Variants in STXBP6 observed in about 807,000 individuals in gnomAD.
The protein encoded by STXBP6 is syntaxin binding protein 6.
Under a neutral mutation model 26.9 loss-of-function variants are expected in STXBP6, and 21 were observed. The ratio of observed to expected loss-of-function variants is 0.78; its 90% confidence interval spans 0.55 to 1.12. The LOEUF (loss-of-function observed/expected upper bound fraction) is 1.12, where lower values mean the gene tolerates loss of function less well. Ranked by LOEUF, STXBP6 falls within the 50% of genes most tolerant of loss-of-function variation. STXBP6 has a pLI of 0.00. For missense variants in STXBP6, 232 were observed against 257.9 expected, an observed-to-expected ratio of 0.90 and a Z score of 0.69; for synonymous variants, 97 against 92.6, an observed-to-expected ratio of 1.05 and a Z score of -0.27.
In STXBP6 at chr14:25,049,261, G is replaced by T. The variant is rs573587153; in HGVS notation, c.-33+617C>A. On this transcript the variant is annotated intron_variant, in intron 1 of 5. Coordinates refer to ENST00000323944, the MANE Select transcript of STXBP6 (RefSeq NM_001394410.1). The surrounding 1 kb of genome is among the most constrained non-coding windows in gnomAD (Gnocchi z 5.6). The stretch of plus-strand genomic sequence containing the variant: ...GGTGAGGCTCGATGCCGGCGTGCAC[G>T]GCAAGCGCGAATTCGGAACCTGGCG... The T allele has an allele frequency of 2.3e-5, 23 of 985,348 alleles. No homozygotes were observed. Among genetic ancestry groups the T allele is most frequent in the Non-Finnish European group, 2.7e-5 (22 of 829,980 alleles). 61.0% of individuals were successfully genotyped at this position (985,348 alleles called of 1,614,324 possible). A position where few individuals can be genotyped will look rare whatever the true frequency, so the allele number is the denominator to read the frequency against.
intron 1 of STXBP6, among the ~76,000 whole-genome samples, chr14:24,986,196 A>G (rs2074328127): frequency 1.3e-5 from 2 of 152,204 alleles, no homozygotes; most frequent in African/African-American, 4.8e-5. Context: ...TCTAGCCCAT[A>G]GAGTTCTAAA....
chr14:24,960,929 T>G (rs1272275179), intron 2 of STXBP6, among the ~76,000 whole-genome samples: 1 of 152,232 alleles, frequency 6.6e-6, no homozygotes, highest in East Asian at 1.9e-4. Context: ...ACTGGAAAGA[T>G]CTGAACATGT....
intron 4 of STXBP6, among the ~76,000 whole-genome samples, chr14:24,835,192 A>G (rs1046565697): frequency 6.6e-6 from 1 of 152,196 alleles, no homozygotes; most frequent in Non-Finnish European, 1.5e-5. Flanking sequence ...TGGTGAAATG[A>G]CAAAGATGCA....
chr14:24,977,821 C>G (rs950883243), intron 1 of STXBP6, among the ~76,000 whole-genome samples: 1 of 152,086 alleles, frequency 6.6e-6, no homozygotes, highest in Non-Finnish European at 1.5e-5. Context: ...TTTACAAATC[C>G]TCACCTTTCT....
At chr14:24,937,217 C>T (rs2072632583) in intron 2 of STXBP6, among the ~76,000 whole-genome samples, 1 of 152,114 alleles carries the variant, frequency 6.6e-6, no homozygotes, top group Non-Finnish European at 1.5e-5. Flanking sequence ...CAGCAAACCA[C>T]CATGGCACAT....
rs567581664 is a variant in STXBP6 at position 24,831,860 on chromosome 14, A to G, written c.452-12666T>C. Among the ~76,000 whole-genome samples, 20 of 152,294 alleles carry G rather than the reference A, an allele frequency of 1.3e-4. No individual in the cohort carries two copies. The South Asian group carries it at 3.7e-3, about 28-fold the overall frequency. Reference sequence around the variant, plus strand: ...ATTGTTTGAGATTGGAAAGCAACTTAGGGGTCAAGTTCCTCGACAGAAAAC... The same window carrying G: ...ATTGTTTGAGATTGGAAAGCAACTTGGGGGTCAAGTTCCTCGACAGAAAAC... On this transcript the variant is annotated intron_variant, in intron 4 of 5. Coordinates refer to ENST00000323944, the MANE Select transcript of STXBP6 (RefSeq NM_001394410.1).
chr14:24,874,562 C>A (rs1413364986), intron 2 of STXBP6, among the ~76,000 whole-genome samples: 2 of 152,098 alleles, frequency 1.3e-5, no homozygotes, highest in East Asian at 3.9e-4. Context: ...TGTAAACAAG[C>A]TTTGTTCACC....
At chr14:24,966,287 T>G (rs1223192520) in intron 2 of STXBP6, among the ~76,000 whole-genome samples, 1 of 151,820 alleles carries the variant, frequency 6.6e-6, no homozygotes, top group Non-Finnish European at 1.5e-5. Flanking sequence ...TGACAGCACA[T>G]CCTCTAAATC....
chr14:25,000,724 T>C (rs1566551146), intron 1 of STXBP6, among the ~76,000 whole-genome samples: 3 of 150,322 alleles, frequency 2.0e-5, no homozygotes, highest in African/African-American at 4.9e-5. Flanking sequence ...GAGTTTAACA[T>C]AGGACACAAG....
intron 1 of STXBP6, among the ~76,000 whole-genome samples, chr14:25,001,366 G>T (rs1183499977): frequency 6.6e-6 from 1 of 152,182 alleles, no homozygotes; most frequent in Non-Finnish European, 1.5e-5. Flanking sequence ...TTTCCTGAGT[G>T]ATAGGAGTAG....
intron 5 of STXBP6, chr14:24,816,551 C>G (rs1291949737): frequency 6.6e-6 from 1 of 152,132 alleles, no homozygotes; most frequent in Non-Finnish European, 1.5e-5. Context: ...CCTCTTCCCC[C>G]CGAGATGACC....
At chr14:24,819,338 A>G (rs1321149590) in intron 4 of STXBP6, 144 bp from the exon 5 acceptor site, 2 of 907,510 alleles carry the variant, frequency 2.2e-6, no homozygotes, top group East Asian at 2.6e-5. Flanking sequence ...ACAAGCCGAC[A>G]TTTCTTTTGA....
chr14:25,039,208 T>C (rs900007377), intron 1 of STXBP6, among the ~76,000 whole-genome samples: 1 of 152,110 alleles, frequency 6.6e-6, no homozygotes, highest in African/African-American at 2.4e-5. Flanking sequence ...AAATACAACA[T>C]AAAAGAATAC....
chr14:24,818,157 A>G (rs2068035166), intron 5 of STXBP6: 1 of 456,626 alleles, frequency 2.2e-6, no homozygotes, highest in Non-Finnish European at 4.4e-6. Context: ...ACATGCCAAC[A>G]CAAGTCATCA....
At chr14:24,931,157 G>A (rs1024197101) in intron 2 of STXBP6, among the ~76,000 whole-genome samples, 2 of 107,370 alleles carry the variant, frequency 1.9e-5, no homozygotes, top group South Asian at 3.5e-4. Flanking sequence ...AACACCACAT[G>A]TTCTCACTCA....
chr14:25,006,213 G>C (rs74037435), intron 1 of STXBP6, among the ~76,000 whole-genome samples: 1,532 of 152,268 alleles, frequency 0.01, 18 homozygotes, highest in African/African-American at 0.034. Flanking sequence ...TTTCACTGTG[G>C]TCACCCCTTT....
rs181560666 is a variant in STXBP6 at position 24,946,193 on chromosome 14, G to A, written c.154+28472C>T. ...AATGTGTAACAGTAGCACTGTTTAT[G>A]GGATATTTTCTATATTCTGGGCAGT... On this transcript the variant is annotated intron_variant, in intron 2 of 5. Transcript: ENST00000323944. 2.0e-5 allele frequency among the ~76,000 whole-genome samples: 3 copies of A among 152,232 alleles called. No homozygotes were observed. In the East Asian group the frequency reaches 5.8e-4, roughly 29 times the overall value.
chr14:24,889,575 T>TTAA (rs35902359), intron 2 of STXBP6, among the ~76,000 whole-genome samples: 53,812 of 147,190 alleles, frequency 0.37, 9,825 homozygotes, highest in East Asian at 0.43. Flanking sequence ...AATAATAAAA[T>TTAA]AAAAAAAGAA....
At chr14:24,980,858 GA>G (rs909008024) in intron 1 of STXBP6, among the ~76,000 whole-genome samples, 1 of 151,910 alleles carries the variant, frequency 6.6e-6, no homozygotes, top group African/African-American at 2.4e-5. Flanking sequence ...TTGAAGATAG[GA>G]AAAAAAATAT....
Sources: allele counts gnomAD v4.1 joint callset (sites outside exome capture counted in the v4.1 genomes callset), GRCh38; gene constraint gnomAD v4.1.1; non-coding constraint Gnocchi (gnomAD v3.1); transcripts MANE v1.5; gene names NCBI Gene and HGNC (gene_info 2026-07-23, HGNC 2026-07-21).